The following MAG variants were observed in gnomAD, a reference collection of about 807,000 sequenced individuals.
The protein encoded by MAG is myelin-associated glycoprotein.
Under a neutral mutation model 60.7 loss-of-function variants are expected in MAG, and 30 were observed. That is an observed-to-expected ratio of 0.49 (90% CI 0.37 to 0.67). The LOEUF (loss-of-function observed/expected upper bound fraction) is 0.67, where lower values mean the gene tolerates loss of function less well. MAG is among the 30% of genes least tolerant of loss of function. The pLI is 0.00. For missense variants in MAG, 795 were observed against 851.7 expected (o/e 0.93, Z 0.83); for synonymous variants, 384 against 376.8 (o/e 1.02, Z -0.22).
At chr19:35,305,952 C>CA (rs1422797669) in intron 7 of MAG, among the ~76,000 whole-genome samples, 1 of 119,486 alleles carries the variant, frequency 8.4e-6, no homozygotes, top group African/African-American at 4.0e-5. Flanking sequence ...AAGACTGTCC[C>CA]AGCCCCCCAC....
chr19:35,299,146 G>A (rs2066426847), intron 4 of MAG, among the ~76,000 whole-genome samples: 1 of 152,324 alleles, frequency 6.6e-6, no homozygotes, highest in South Asian at 2.1e-4. Flanking sequence ...GGGAAGTGAT[G>A]AGGTGTGGGG....
chr19:35,302,662 G>A lies in MAG; in HGVS notation c.1185G>A (p.Glu395=), dbSNP rs755194413. The A allele has an allele frequency of 1.9e-6, 3 of 1,614,126 alleles. No homozygotes were observed. The highest frequency in any genetic ancestry group is 2.5e-6 in the Non-Finnish European group (3 of 1,180,034). The change falls in exon 7 of 11, where the codon GAG becomes GAA. Residue 395 remains glutamate (E), a synonymous_variant. Transcript: ENST00000392213. Reference sequence around the variant, plus strand: ...ATGGAGAGTACTGGTGTGTGGCTGAGAACCAGTATGGCCAGAGGGCCACCG... The same window carrying A: ...ATGGAGAGTACTGGTGTGTGGCTGAAAACCAGTATGGCCAGAGGGCCACCG... ...EDDGEYWCVA[E]NQYGQRATAF... is the part of the protein sequence containing the mutation.
Position 35,311,930 on chromosome 19 carries a change from A to T in MAG, c.1629A>T (p.Thr543=). The part of the protein sequence containing the change: ...ITQTRRKKNV[T]ESPSFSAGDN... Reference sequence around the variant, plus strand: ...TCCTGCCCTGCAGAAAGAACGTGACAGAGAGCCCCAGCTTCTCGGCAGGGG... The same window carrying T: ...TCCTGCCCTGCAGAAAGAACGTGACTGAGAGCCCCAGCTTCTCGGCAGGGG... Residue 543 remains threonine, a synonymous_variant, in exon 10 of 11, where the codon ACA becomes ACT. Coordinates refer to ENST00000392213, the MANE Select transcript of MAG (RefSeq NM_002361.4). 2 of 1,612,712 alleles carry T rather than the reference A, an allele frequency of 1.2e-6. No individual in the cohort carries two copies. Among genetic ancestry groups the T allele is most frequent in the Non-Finnish European group, 1.7e-6 (2 of 1,179,192 alleles).
intron 5 of MAG, 98 bp from the exon 6 acceptor site, chr19:35,300,049 G>A: frequency 1.4e-6 from 2 of 1,403,960 alleles, no homozygotes; most frequent in Non-Finnish European, 1.9e-6. Flanking sequence ...GGCTGAGGGC[G>A]GGGCCGGACA....
At chr19:35,308,040 G>A (rs2066497730) in intron 7 of MAG, among the ~76,000 whole-genome samples, 1 of 152,212 alleles carries the variant, frequency 6.6e-6, no homozygotes, top group African/African-American at 2.4e-5. Context: ...CCTTCTACGT[G>A]TGGGGCCCAG....
Position 35,300,301 on chromosome 19 carries a change from C to G in MAG, c.867C>G (p.Leu289=). 1 of 1,599,736 alleles carries G rather than the reference C, an allele frequency of 6.3e-7. No homozygotes were observed. Among genetic ancestry groups the G allele is most frequent in the Non-Finnish European group, 8.5e-7 (1 of 1,179,354 alleles). The change falls in exon 6 of 11, where the codon CTC becomes CTG. Residue 289 remains leucine (L), a synonymous_variant. Transcript: ENST00000392213. ...GGGAGGCGGTGGCCGAGAGCCTGCT[C>G]CTGGAGCTGGAGGAGGTGACCCCCG... is the stretch of plus-strand genomic sequence containing the variant. ...VLREAVAESL[L]LELEEVTPAE...
chr19:35,312,554 G>GGGGC, intron 10 of MAG: 1 of 341,688 alleles, frequency 2.9e-6, no homozygotes, highest in South Asian at 2.2e-5. Flanking sequence ...GGAGGGGTGG[G>GGGGC]AAGCGTGGGG....
chr19:35,296,047 G>C, intron 4 of MAG, 66 bp downstream of exon 4: 2 of 1,511,026 alleles, frequency 1.3e-6, no homozygotes, highest in South Asian at 2.7e-5. Flanking sequence ...AGTGTGGCCG[G>C]AAGGCCTCCC....
chr19:35,305,998 C>T (rs1467060322), intron 7 of MAG, among the ~76,000 whole-genome samples: 5 of 131,556 alleles, frequency 3.8e-5, no homozygotes, highest in African/African-American at 1.5e-4. Flanking sequence ...TGTCCCACCC[C>T]CCCACTCCAG....
At chr19:35,312,434 G>A (rs2066535382) in intron 10 of MAG, 2 of 1,020,656 alleles carry the variant, frequency 2.0e-6, no homozygotes, top group Non-Finnish European at 3.0e-6. Flanking sequence ...CTCTGGTGAT[G>A]TCCGGGCCTG....
At position 35,313,432 on chromosome 19, in the gene MAG, A is replaced by G. The variant is rs1055055028; in HGVS notation, c.1859A>G (p.Tyr620Cys). 1 of 1,613,264 alleles carries G rather than the reference A, an allele frequency of 6.2e-7. No individual in the cohort carries two copies. The change falls in exon 11 of 11, where the codon TAT (tyrosine) becomes TGT (cysteine). Residue 620 changes from tyrosine (Y) to cysteine (C), a missense_variant. Coordinates refer to ENST00000392213, the MANE Select transcript of MAG (RefSeq NM_002361.4). ...SYTLTEELAE[Y>C]AEIRVK Reference sequence around the variant, plus strand: ...ACGCTGACGGAGGAGCTAGCTGAGTATGCTGAAATCCGGGTCAAGTGAAGG... The same window carrying G: ...ACGCTGACGGAGGAGCTAGCTGAGTGTGCTGAAATCCGGGTCAAGTGAAGG...
At chr19:35,299,526 C>G (rs748406321) in intron 4 of MAG, 28 bp from the exon 5 acceptor site, 1 of 1,522,144 alleles carries the variant, frequency 6.6e-7, no homozygotes. Flanking sequence ...GCTGCTTTCT[C>G]AGCCCTCCCT....
rs746129230 is a variant in MAG at position 35,309,881 on chromosome 19, T to G, written c.1239T>G (p.Pro413=). 45 of 1,609,752 alleles carry G rather than the reference T, an allele frequency of 2.8e-5. No homozygotes were observed. Among genetic ancestry groups the G allele is most frequent in the Non-Finnish European group, 3.4e-5 (40 of 1,178,844 alleles). The change falls in exon 8 of 11, where the codon CCT becomes CCG. Residue 413 remains proline (P), a synonymous_variant. Coordinates refer to ENST00000392213, the MANE Select transcript of MAG (RefSeq NM_002361.4). ...CTGATTTTGCCCCTGCAGTCGCCCC[T>G]GTGCTCCTCCTGGAGTCCCACTGCG... is the stretch of plus-strand genomic sequence containing the variant. ...TAFNLSVEFA[P]VLLLESHCAA...
chr19:35,300,571 T>C (rs1393143537), intron 6 of MAG, among the ~76,000 whole-genome samples, 167 bp downstream of exon 6: 5 of 152,302 alleles, frequency 3.3e-5, no homozygotes, highest in Admixed American at 3.3e-4. Flanking sequence ...CTTCATTCTT[T>C]CCACAAGAAT....
rs1267580404 is a variant in MAG, at chr19:35,295,866, C to A, written c.300C>A (p.Cys100Ter). The A allele has an allele frequency of 6.2e-7, 1 of 1,614,062 alleles. No homozygotes were observed. ...RLLGDLGLRN[C>*]TLLLSNVSPE... ...TGGGGGACCTGGGCCTGCGAAACTG[C>A]ACCCTCCTGCTCAGCAACGTCAGCC... is the stretch of plus-strand genomic sequence containing the variant. Residue 100 changes from cysteine (C) to a stop codon, truncating the protein, a stop_gained, in exon 4 of 11, where the codon TGC becomes TGA. Coordinates refer to ENST00000392213, the MANE Select transcript of MAG (RefSeq NM_002361.4). LOFTEE classifies it high-confidence loss of function. The surrounding 1 kb of genome is among the most constrained non-coding windows in gnomAD (Gnocchi z 5.8).
chr19:35,295,978 G>C lies in MAG; in HGVS notation c.412G>C (p.Val138Leu), dbSNP rs781042421. ...TFSEHSVLDI[V>L]NTPNIVVPPE... is the part of the protein sequence containing the mutation. ...CTCAGAGCACAGCGTCCTGGATATC[G>C]TCAGTGAGTCCCCAGCGGTTGTGCA... is the stretch of plus-strand genomic sequence containing the variant. Residue 138 changes from valine to leucine, a missense_variant, in exon 4 of 11, where the codon GTC becomes CTC. Coordinates refer to ENST00000392213, the MANE Select transcript of MAG (RefSeq NM_002361.4). The surrounding 1 kb of genome is among the most constrained non-coding windows in gnomAD (Gnocchi z 5.8). 2.5e-6 allele frequency: 4 copies of C among 1,570,984 alleles called. No individual in the cohort carries two copies. The highest frequency in any genetic ancestry group is 2.3e-5 in the East Asian group (1 of 44,160).
At chr19:35,304,395 A>G (rs2066469611) in intron 7 of MAG, among the ~76,000 whole-genome samples, 1 of 152,166 alleles carries the variant, frequency 6.6e-6, no homozygotes, top group East Asian at 1.9e-4. Flanking sequence ...AGCCTGCAGC[A>G]CCAACTCACA....
intron 4 of MAG, 94 bp downstream of exon 4, chr19:35,296,075 G>T (rs1293339663): frequency 2.7e-6 from 4 of 1,479,272 alleles, no homozygotes; most frequent in Non-Finnish European, 3.6e-6. Flanking sequence ...TCCCCAGCAG[G>T]CCTGGATGGC....
chr19:35,311,693 C>T (rs533492893), intron 9 of MAG, among the ~76,000 whole-genome samples: 71 of 152,306 alleles, frequency 4.7e-4, no homozygotes, highest in Middle Eastern at 6.8e-3. Context: ...TCCTGAAAAA[C>T]GGCAGAGCTC....
Sources: allele counts gnomAD v4.1 joint callset (sites outside exome capture counted in the v4.1 genomes callset), GRCh38; gene constraint gnomAD v4.1.1; non-coding constraint Gnocchi (gnomAD v3.1); transcripts MANE v1.5; gene names NCBI Gene and HGNC (gene_info 2026-07-23, HGNC 2026-07-21).